The following SH3TC1 variants were observed in gnomAD, a reference collection of about 807,000 sequenced individuals.
The protein encoded by SH3TC1 is SH3 domain and tetratricopeptide repeats 1, also known as SH3 domain and tetratricopeptide repeat-containing protein 1.
A neutral mutation model predicts 117.3 loss-of-function variants in SH3TC1; 135 were observed. That is an observed-to-expected ratio of 1.15 (90% CI 1.00 to 1.33). The LOEUF (loss-of-function observed/expected upper bound fraction) is 1.33. Among genes scored for constraint, SH3TC1 ranks in the 40% most tolerant of loss-of-function variants. The pLI is 0.00. For synonymous variants in SH3TC1, 898 were observed against 816.9 expected (o/e 1.10, Z -1.69); for missense variants, 2,092 against 1,794.3 (o/e 1.17, Z -3.00).
At chr4:8,195,817 G>A (rs1717542606), upstream of SH3TC1, among the ~76,000 whole-genome samples, 1 of 152,222 alleles carries the variant, frequency 6.6e-6, no homozygotes, top group African/African-American at 2.4e-5. Flanking sequence ...GGTCACAGAT[G>A]GGAAACTGAG....
chr4:8,216,124 C>G lies in SH3TC1; in HGVS notation c.495C>G (p.His165Gln). The G allele has an allele frequency of 6.2e-7, 1 of 1,613,352 alleles. No homozygotes were observed. The highest frequency in any genetic ancestry group is 1.3e-5 in the African/African-American group (1 of 75,056). Reference sequence around the variant, plus strand: ...TGGCCTCCACAGGCTTCACTCATCACTGCCTGGCAAACCTGCTCATGGACC... The same window carrying G: ...TGGCCTCCACAGGCTTCACTCATCAGTGCCTGGCAAACCTGCTCATGGACC... ...STYHALGFTH[H>Q]CLANLLMDQA... The change falls in exon 6 of 18, where the codon CAC becomes CAG. Residue 165 changes from histidine to glutamine, a missense_variant. His to Gln is a conservative substitution (Grantham distance 24). Coordinates refer to ENST00000245105, the MANE Select transcript of SH3TC1 (RefSeq NM_018986.5).
rs531884057 is a variant in SH3TC1, at chr4:8,219,619, C to T, written c.1112+89C>T. 3.0e-6 allele frequency: 4 copies of T among 1,339,380 alleles called. No individual in the cohort carries two copies. In the Admixed American group the frequency reaches 9.3e-5, roughly 31 times the overall value. The allele number at this position is 1,339,380 out of a possible 1,614,324, so 83.0% of individuals were successfully genotyped here. ...TGCGTCCACCTGGCTCCCCAGGTAA[C>T]AAGCCTGAAAGTCACTGTGGACGAT... On this transcript the variant is annotated intron_variant, in intron 9 of 17. Coordinates refer to ENST00000245105, the MANE Select transcript of SH3TC1 (RefSeq NM_018986.5).
chr4:8,228,575 C>A lies in SH3TC1; in HGVS notation c.2881C>A (p.Pro961Thr). The A allele has an allele frequency of 1.3e-6, 2 of 1,595,474 alleles. No individual in the cohort carries two copies. The highest frequency in any genetic ancestry group is 1.7e-6 in the Non-Finnish European group (2 of 1,172,088). ...GGGCCATCTCTGCACCCGCCAGGGC[C>A]CGGCCCAGCAGGGCAAGGGCTACTA... ...QLGHLCTRQGPAQQGKGYYEW... is the reference protein window; with the variant it reads ...QLGHLCTRQGTAQQGKGYYEW... The change falls in exon 12 of 18, where the codon CCG becomes ACG. Residue 961 changes from proline to threonine, a missense_variant. By Grantham distance (38) the Pro-to-Thr change is conservative (BLOSUM62 -1). Transcript: ENST00000245105.
intron 2 of SH3TC1, among the ~76,000 whole-genome samples, chr4:8,208,369 C>CTTTTT (rs151217437): frequency 1.1e-4 from 15 of 140,726 alleles, no homozygotes; most frequent in South Asian, 4.4e-4. Flanking sequence ...ACATTTCTTT[C>CTTTTT]TTTTTTTTTA....
rs1561695234 is a variant in SH3TC1, at chr4:8,218,115, C to CGT, written c.840-156_840-155insGT. ...CCTGAAGGCCACACACCTGGGCAGGCATGTGTGTGTGTGTGTGTGTGCACG... is the reference window on the plus strand; with the variant it reads ...CCTGAAGGCCACACACCTGGGCAGGCGTATGTGTGTGTGTGTGTGTGTGCACG... On this transcript the variant is annotated intron_variant, in intron 7 of 17. Coordinates refer to ENST00000245105, the MANE Select transcript of SH3TC1 (RefSeq NM_018986.5). 1.6e-3 allele frequency: 761 copies of CGT among 483,344 alleles called. 1 individual carries two copies. The highest frequency in any genetic ancestry group is 3.1e-3 in the South Asian group (95 of 30,212). The allele number at this position is 483,344 out of a possible 1,614,324, so 29.9% of individuals were successfully genotyped here.
At chr4:8,232,607 C>T in intron 13 of SH3TC1, 1 of 1,338,772 alleles carries the variant, frequency 7.5e-7, no homozygotes, top group Non-Finnish European at 9.8e-7. Flanking sequence ...TTCCCTGGGG[C>T]AGGGTTTCAA....
chr4:8,199,848 C>T (rs1245228039), intron 1 of SH3TC1, among the ~76,000 whole-genome samples: 2 of 152,328 alleles, frequency 1.3e-5, no homozygotes, highest in South Asian at 2.1e-4. Context: ...CAGCCTCACC[C>T]GGCACCGCAG....
At chr4:8,219,292 C>T in intron 8 of SH3TC1, 43 bp from the exon 9 acceptor site, 1 of 1,507,402 alleles carries the variant, frequency 6.6e-7, no homozygotes, top group South Asian at 1.3e-5. Context: ...CTCTGGCCCC[C>T]ATTTGGTCTC....
intron 4 of SH3TC1, chr4:8,213,106 C>G: frequency 2.1e-6 from 1 of 470,414 alleles, no homozygotes; most frequent in Non-Finnish European, 3.8e-6. Flanking sequence ...TCCACCTGCC[C>G]TCCACCCACA....
intron 9 of SH3TC1, among the ~76,000 whole-genome samples, chr4:8,220,377 G>A (rs1477760408): frequency 4.9e-5 from 7 of 141,784 alleles, no homozygotes; most frequent in African/African-American, 9.8e-5. Context: ...ATCAGCCCCC[G>A]TGGCTCCTCT....
At chr4:8,232,306 C>T (rs1320019176) in intron 13 of SH3TC1, 150 bp downstream of exon 13, 3 of 1,473,680 alleles carry the variant, frequency 2.0e-6, no homozygotes, top group East Asian at 4.6e-5. Flanking sequence ...AGCTGGGGGG[C>T]CTGGGGTTGT....
intron 10 of SH3TC1, among the ~76,000 whole-genome samples, chr4:8,224,441 G>C (rs1489770540): frequency 1.3e-5 from 2 of 152,202 alleles, no homozygotes; most frequent in Admixed American, 1.3e-4. Flanking sequence ...GGGTGTTGTG[G>C]GCAGGGGCAT....
At position 8,192,604 on chromosome 4, in the gene SH3TC1, C is replaced by T. The variant is rs964417196; in HGVS notation, c.-57+10394C>T. On this transcript the variant is annotated intron_variant, in intron 1 of 16. Transcript: ENST00000508641. This position sits in a 1 kb window ranked among gnomAD's most constrained non-coding sequence, Gnocchi z 4.1. ...TGCCTACTGGGTTCAAGCAATTCTC[C>T]CGCCTCAGCCTCCTGAGTAGCTGGG... Among the ~76,000 whole-genome samples, 25 of 152,098 alleles carry T rather than the reference C, an allele frequency of 1.6e-4. No homozygotes were observed. The highest frequency in any genetic ancestry group is 7.4e-5 in the Non-Finnish European group (5 of 68,010).
In SH3TC1 at chr4:8,205,471, T is replaced by TTGGGGC; in HGVS notation, c.172+115_172+120dup. The TTGGGGC allele has an allele frequency of 2.2e-6, 3 of 1,386,186 alleles. No individual in the cohort carries two copies. Among genetic ancestry groups the TTGGGGC allele is most frequent in the Non-Finnish European group, 3.0e-6 (3 of 997,474 alleles). The allele number at this position is 1,386,186 out of a possible 1,614,324, so 85.9% of individuals were successfully genotyped here. On this transcript the variant is annotated intron_variant, in intron 2 of 17. Transcript: ENST00000245105. The surrounding 1 kb of genome is among the most constrained non-coding windows in gnomAD (Gnocchi z 5.4). The stretch of plus-strand genomic sequence containing the variant: ...ACCACCCTGCCTGCCTCCAGGCCTC[T>TTGGGGC]TGGGGCTGGGGCTGGAGTCTGCTCT...
At chr4:8,212,901 T>C in intron 4 of SH3TC1, 73 bp downstream of exon 4, 1 of 1,477,126 alleles carries the variant, frequency 6.8e-7, no homozygotes, top group Non-Finnish European at 9.0e-7. Context: ...AGGTGCAGTG[T>C]CTGAGACTGG....
chr4:8,227,701 C>G lies in SH3TC1; in HGVS notation c.2007C>G (p.Phe669Leu). The G allele has an allele frequency of 6.4e-7, 1 of 1,563,546 alleles. No individual in the cohort carries two copies. The highest frequency in any genetic ancestry group is 8.7e-7 in the Non-Finnish European group (1 of 1,152,590). ...TGCAGGCCGAGGCCCGGGCCTGCTT[C>G]CTGCTGGCCAGGCACCACGTGCACC... Reference protein sequence around the residue: ...QSLQAEARACFLLARHHVHLK... With the variant: ...QSLQAEARACLLLARHHVHLK... The change falls in exon 12 of 18, where the codon TTC (phenylalanine) becomes TTG (leucine). Residue 669 changes from phenylalanine (F) to leucine (L), a missense_variant. Coordinates refer to ENST00000245105, the MANE Select transcript of SH3TC1 (RefSeq NM_018986.5).
rs1720369115 is a variant in SH3TC1 at position 8,225,393 on chromosome 4, G to C, written c.1285+177G>C. 6.6e-6 allele frequency among the ~76,000 whole-genome samples: 1 copy of C among 152,160 alleles called. No individual in the cohort carries two copies. ...GGTGGGCCTGAACCTCCCGTCCACT[G>C]TGGCACTGGAGGCCGTGGGGTCCCG... On this transcript the variant is annotated intron_variant, in intron 11 of 17. Transcript: ENST00000245105. This position sits in a 1 kb window ranked among gnomAD's most constrained non-coding sequence, Gnocchi z 5.5.
chr4:8,183,936 G>A lies in SH3TC1; in HGVS notation c.-57+1726G>A, dbSNP rs888873784. 6.6e-6 allele frequency among the ~76,000 whole-genome samples: 1 copy of A among 152,168 alleles called. No individual in the cohort carries two copies. On this transcript the variant is annotated intron_variant, in intron 1 of 16. Transcript: ENST00000508641. The surrounding 1 kb of genome is among the most constrained non-coding windows in gnomAD (Gnocchi z 5.4). ...CCAACTAATTTTTGTATTTTTAGTAGATACGGGGTTTCACCATGTTGGCCA... is the reference window on the plus strand; with the variant it reads ...CCAACTAATTTTTGTATTTTTAGTAAATACGGGGTTTCACCATGTTGGCCA...
Position 8,228,586 on chromosome 4 carries a change from G to A in SH3TC1, c.2892G>A (p.Gln964=), listed in dbSNP as rs1316954352. 6.3e-7 allele frequency: 1 copy of A among 1,583,294 alleles called. No homozygotes were observed. The highest frequency in any genetic ancestry group is 1.3e-5 in the African/African-American group (1 of 74,496). The change falls in exon 12 of 18, where the codon CAG becomes CAA. Residue 964 remains glutamine (Q), a synonymous_variant. Coordinates refer to ENST00000245105, the MANE Select transcript of SH3TC1 (RefSeq NM_018986.5). ...GCACCCGCCAGGGCCCGGCCCAGCA[G>A]GGCAAGGGCTACTACGAGTGGGCCC... is the stretch of plus-strand genomic sequence containing the variant. ...HLCTRQGPAQ[Q]GKGYYEWALL...
Sources: gnomAD v4.1 joint callset for allele counts (sites outside exome capture counted in the v4.1 genomes callset) on GRCh38, gnomAD v4.1.1 for gene constraint, Gnocchi (gnomAD v3.1) non-coding constraint, MANE v1.5 for transcripts, NCBI Gene and HGNC (gene_info 2026-07-23, HGNC 2026-07-21) for gene names.